Variants in MIGA1 observed in about 807,000 individuals in gnomAD.
The protein encoded by MIGA1 is family with sequence similarity 73, member A.
A neutral mutation model predicts 82.0 loss-of-function variants in MIGA1; 58 were observed. The observed-to-expected ratio is 0.71, with a 90% CI of 0.57 to 0.88. MIGA1 has a LOEUF of 0.88. Among genes scored for constraint, MIGA1 ranks in the 40% least tolerant of loss-of-function variants. The probability of loss-of-function intolerance (pLI) is 0.00; values close to 1 mark genes in which losing one functional copy is unlikely to be tolerated. For synonymous variants in MIGA1, 249 were observed against 253.6 expected (o/e 0.98, Z 0.17); for missense variants, 751 against 749.1 (o/e 1.00, Z -0.03).
chr1:77,801,468 C>T lies in MIGA1; in HGVS notation c.333C>T (p.His111=), dbSNP rs758017441. ...AAATATTACCATGGGAACCAGAGCA[C>T]CTCATACTTGAATACACTAAAAGAG... Residue 111 remains histidine (H), a synonymous_variant, in exon 3 of 16, where the codon CAC becomes CAT. Coordinates refer to ENST00000370791, the MANE Select transcript of MIGA1 (RefSeq NM_198549.4). 3.7e-6 allele frequency: 6 copies of T among 1,605,160 alleles called. No homozygotes were observed. In the East Asian group the frequency reaches 9.0e-5, roughly 24 times the overall value.
chr1:77,805,206 A>G (rs1485134100), intron 4 of MIGA1, among the ~76,000 whole-genome samples: 3 of 151,696 alleles, frequency 2.0e-5, no homozygotes, highest in Admixed American at 2.0e-4. Context: ...CGTGTTAGCC[A>G]GGATGGTCTT....
At chr1:77,786,238 A>C (rs990372646) in intron 2 of MIGA1, among the ~76,000 whole-genome samples, 2 of 152,212 alleles carry the variant, frequency 1.3e-5, no homozygotes, top group Non-Finnish European at 2.9e-5. Context: ...TGCACACAGC[A>C]CGGGGACACT....
At chr1:77,843,952 T>G (rs1304116181) in intron 8 of MIGA1, among the ~76,000 whole-genome samples, 2 of 151,382 alleles carry the variant, frequency 1.3e-5, no homozygotes, top group Non-Finnish European at 2.9e-5. Context: ...TTTAAAAAAT[T>G]AACCAGATGT....
At chr1:77,847,222 A>C in intron 8 of MIGA1, 1 of 1,147,784 alleles carries the variant, frequency 8.7e-7, no homozygotes, top group Non-Finnish European at 1.3e-6. Flanking sequence ...TGATGATGAG[A>C]CCTCCATGAG....
intron 7 of MIGA1, among the ~76,000 whole-genome samples, chr1:77,830,633 T>C (rs574230541): frequency 1.3e-5 from 2 of 152,276 alleles, no homozygotes; most frequent in South Asian, 2.1e-4. Context: ...TAGAGTGTTA[T>C]AATCTTTTTA....
chr1:77,847,071 C>G, intron 8 of MIGA1: 1 of 768,526 alleles, frequency 1.3e-6, no homozygotes, highest in Non-Finnish European at 2.4e-6. Context: ...GAAACTACAC[C>G]AACAGTAGGG....
At chr1:77,833,826 C>T (rs917238651) in intron 7 of MIGA1, among the ~76,000 whole-genome samples, 1 of 152,184 alleles carries the variant, frequency 6.6e-6, no homozygotes, top group Admixed American at 6.5e-5. Context: ...TCACTTCTTT[C>T]TTCTTTAAAC....
Position 77,860,084 on chromosome 1 carries a change from C to G in MIGA1, c.1233C>G (p.Ser411Arg). 1 of 1,611,810 alleles carries G rather than the reference C, an allele frequency of 6.2e-7. No individual in the cohort carries two copies. The highest frequency in any genetic ancestry group is 8.5e-7 in the Non-Finnish European group (1 of 1,179,044). Residue 411 changes from serine to arginine, a missense_variant, in exon 11 of 16, where the codon AGC becomes AGG. By Grantham distance (110) the Ser-to-Arg change is moderately radical (BLOSUM62 -1). This residue lies in a region of MIGA1 where 265 missense variants were observed against 293.6 expected (regional missense o/e 0.90). Coordinates refer to ENST00000370791, the MANE Select transcript of MIGA1 (RefSeq NM_198549.4). ...CTAACAGGATATTCCTCGCTGAGAG[C>G]GGAAGGAAAATTTTATCAGCTTTAA...
At chr1:77,869,571 G>A (rs1428342077) in intron 14 of MIGA1, among the ~76,000 whole-genome samples, 8 of 141,278 alleles carry the variant, frequency 5.7e-5, no homozygotes, top group African/African-American at 8.0e-5. Flanking sequence ...CGGGCGGGGG[G>A]CTGACCCCCC....
At chr1:77,833,946 T>C (rs1377287858) in intron 7 of MIGA1, among the ~76,000 whole-genome samples, 1 of 152,238 alleles carries the variant, frequency 6.6e-6, no homozygotes, top group East Asian at 1.9e-4. Flanking sequence ...ACTTCCCAGT[T>C]AGGAATCACA....
intron 14 of MIGA1, among the ~76,000 whole-genome samples, chr1:77,872,417 A>G (rs1245659379): frequency 6.6e-6 from 1 of 152,112 alleles, no homozygotes; most frequent in African/African-American, 2.4e-5. Flanking sequence ...CCTGAGCAAC[A>G]TAGTGAGACC....
intron 15 of MIGA1, among the ~76,000 whole-genome samples, chr1:77,874,212 T>C (rs1205834112): frequency 6.6e-6 from 1 of 152,186 alleles, no homozygotes; most frequent in Non-Finnish European, 1.5e-5. Flanking sequence ...ACTTAATACT[T>C]ATTCGTATAC....
At chr1:77,847,025 C>T (rs967655057) in intron 8 of MIGA1, 27 of 669,774 alleles carry the variant, frequency 4.0e-5, no homozygotes, top group Non-Finnish European at 7.4e-5. Flanking sequence ...CTATATCCAC[C>T]TCTCTGATTT....
intron 7 of MIGA1, among the ~76,000 whole-genome samples, chr1:77,834,979 G>C (rs937522267): frequency 1.3e-5 from 2 of 152,148 alleles, no homozygotes; most frequent in Admixed American, 6.5e-5. Context: ...TGGACAGCCT[G>C]GATTTTAAAA....
chr1:77,835,240 T>C (rs1384731536), intron 7 of MIGA1, among the ~76,000 whole-genome samples: 1 of 152,130 alleles, frequency 6.6e-6, no homozygotes, highest in African/African-American at 2.4e-5. Flanking sequence ...ATTATGAGAT[T>C]GTGAAAGAAG....
At position 77,779,674 on chromosome 1, in the gene MIGA1, G is replaced by T; in HGVS notation, c.19G>T (p.Ala7Ser). 1 of 1,586,886 alleles carries T rather than the reference G, an allele frequency of 6.3e-7. No homozygotes were observed. Among genetic ancestry groups the T allele is most frequent in the African/African-American group, 1.3e-5 (1 of 74,592 alleles). ...CTTCTCCATGTCAGACTGCTGCTCAGCGCCAGGCATCAGCTGGGAAGCTGG... is the reference window on the plus strand; with the variant it reads ...CTTCTCCATGTCAGACTGCTGCTCATCGCCAGGCATCAGCTGGGAAGCTGG... The change falls in exon 1 of 16, where the codon GCG becomes TCG. Residue 7 changes from alanine (A) to serine (S), a missense_variant. Physicochemically the swap from Ala to Ser is moderately conservative, Grantham distance 99. This residue lies in a region of MIGA1 where 482 missense variants were observed against 439.4 expected (regional missense o/e 1.10). Coordinates refer to ENST00000370791, the MANE Select transcript of MIGA1 (RefSeq NM_198549.4).
At chr1:77,814,686 C>G (rs1363191065) in intron 6 of MIGA1, among the ~76,000 whole-genome samples, 1 of 151,688 alleles carries the variant, frequency 6.6e-6, no homozygotes, top group Admixed American at 6.6e-5. Context: ...TAGTGGTTCT[C>G]AAACTTGAGA....
chr1:77,865,998 C>T (rs1339591639), intron 13 of MIGA1, among the ~76,000 whole-genome samples: 6 of 152,024 alleles, frequency 3.9e-5, no homozygotes, highest in Non-Finnish European at 7.4e-5. Flanking sequence ...CTATAACCTC[C>T]GCCTCCCGGG....
At chr1:77,794,081 G>A (rs567564907) in intron 2 of MIGA1, among the ~76,000 whole-genome samples, 72 of 152,072 alleles carry the variant, frequency 4.7e-4, no homozygotes, top group African/African-American at 1.7e-3. Flanking sequence ...GAGCCACCGC[G>A]CCCGGCCTTA....
Sources: allele counts gnomAD v4.1 joint callset (sites outside exome capture counted in the v4.1 genomes callset), GRCh38; gene constraint gnomAD v4.1.1; regional missense constraint gnomAD v4.1.1; transcripts MANE v1.5; gene names NCBI Gene and HGNC (gene_info 2026-07-23, HGNC 2026-07-21).